Variants in TOM1L2 observed in about 807,000 individuals in gnomAD.
The protein encoded by TOM1L2 is target of myb1 like 2 membrane trafficking protein.
A neutral mutation model predicts 67.9 loss-of-function variants in TOM1L2; 31 were observed. The observed-to-expected ratio is 0.46, with a 90% CI of 0.34 to 0.62. TOM1L2 has a LOEUF of 0.62. Among genes scored for constraint, TOM1L2 ranks in the 20% least tolerant of loss-of-function variants. TOM1L2 has a pLI of 0.01. For synonymous variants in TOM1L2, 256 were observed against 254.0 expected (o/e 1.01, Z -0.07); for missense variants, 606 against 663.5 (o/e 0.91, Z 0.95).
intron 1 of TOM1L2, among the ~76,000 whole-genome samples, chr17:17,954,293 G>A (rs2041335357): frequency 2.6e-5 from 4 of 151,222 alleles, no homozygotes. Context: ...TGAACACCAG[G>A]CTACATTTAT....
chr17:17,848,659 C>T (rs1421233963), intron 14 of TOM1L2, among the ~76,000 whole-genome samples, 164 bp downstream of exon 14: 1 of 152,240 alleles, frequency 6.6e-6, no homozygotes, highest in Admixed American at 6.5e-5. Context: ...CCCAAATCAG[C>T]GTAAGACCTG....
chr17:17,939,704 A>G (rs1214471830), intron 1 of TOM1L2, among the ~76,000 whole-genome samples: 4 of 152,260 alleles, frequency 2.6e-5, no homozygotes, highest in African/African-American at 7.2e-5. Flanking sequence ...AAGTTTAAAA[A>G]GTAAATTTGA....
intron 12 of TOM1L2, among the ~76,000 whole-genome samples, chr17:17,855,517 C>T (rs1205018444): frequency 6.6e-6 from 1 of 152,192 alleles, no homozygotes; most frequent in Admixed American, 6.5e-5. Context: ...GGAGGGAGAG[C>T]ACAAGCCTAG....
At chr17:17,881,864 A>G (rs1224555198) in intron 6 of TOM1L2, among the ~76,000 whole-genome samples, 2 of 152,186 alleles carry the variant, frequency 1.3e-5, no homozygotes, top group African/African-American at 2.4e-5. Context: ...CTATCCCTAC[A>G]CACACATTGC....
At chr17:17,852,888 A>AAAAAG (rs1458944201) in intron 12 of TOM1L2, among the ~76,000 whole-genome samples, 2 of 151,742 alleles carry the variant, frequency 1.3e-5, no homozygotes, top group Admixed American at 6.6e-5. Context: ...AAAAAAAAAA[A>AAAAAG]AAGAACATTG....
chr17:17,952,352 A>G (rs1383784698), intron 1 of TOM1L2, among the ~76,000 whole-genome samples: 4 of 141,398 alleles, frequency 2.8e-5, no homozygotes, highest in African/African-American at 1.0e-4. Context: ...CTCACTCTTT[A>G]TACAGTAAGT....
At chr17:17,957,000 C>T (rs1391526134) in intron 1 of TOM1L2, among the ~76,000 whole-genome samples, 2 of 152,222 alleles carry the variant, frequency 1.3e-5, no homozygotes, top group Non-Finnish European at 2.9e-5. Context: ...GAGCGAGCAA[C>T]GGCTGCCAGC....
rs1171044029 is a variant in TOM1L2, at chr17:17,951,746, G to A, written c.52+20516C>T. On this transcript the variant is annotated intron_variant, in intron 1 of 14. Coordinates refer to ENST00000379504, the MANE Select transcript of TOM1L2 (RefSeq NM_001082968.2). The stretch of plus-strand genomic sequence containing the variant: ...TCTACCTCTGCATTTCCATGGGGAC[G>A]TGGTGCTTAGGAAGGAAGTTAGCCG... Among the ~76,000 whole-genome samples, 6 of 152,210 alleles carry A rather than the reference G, an allele frequency of 3.9e-5. No individual in the cohort carries two copies. In the South Asian group the frequency reaches 8.3e-4, roughly 21 times the overall value.
intron 2 of TOM1L2, among the ~76,000 whole-genome samples, chr17:17,901,515 C>T (rs1191068986): frequency 3.3e-5 from 5 of 152,194 alleles, no homozygotes; most frequent in Non-Finnish European, 7.4e-5. Context: ...CCCAAACAAG[C>T]CTCCTGTCAT....
At chr17:17,894,043 A>G (rs2038431340) in intron 3 of TOM1L2, among the ~76,000 whole-genome samples, 1 of 152,206 alleles carries the variant, frequency 6.6e-6, no homozygotes, top group Non-Finnish European at 1.5e-5. Flanking sequence ...CACAATAATC[A>G]GGCAATTAGT....
At position 17,882,316 on chromosome 17, in the gene TOM1L2, G is replaced by A. The variant is rs536185827; in HGVS notation, c.660+389C>T. ...TCCCAGATCTGGGCCCTACATATGC[G>A]CCTGCTCTCCAATCAAGCCACCTGC... On this transcript the variant is annotated intron_variant, in intron 6 of 14. Coordinates refer to ENST00000379504, the MANE Select transcript of TOM1L2 (RefSeq NM_001082968.2). Among the ~76,000 whole-genome samples, 26 of 152,226 alleles carry A rather than the reference G, an allele frequency of 1.7e-4. No homozygotes were observed. In the East Asian group the frequency reaches 4.6e-3, roughly 27 times the overall value.
In TOM1L2 at chr17:17,869,307, G is replaced by GC. The variant is rs757202307; in HGVS notation, c.911+32_911+33insG. On this transcript the variant is annotated intron_variant, in intron 8 of 14. Transcript: ENST00000379504. Reference sequence around the variant, plus strand: ...CTGTTATGGCAACAATCTTTTCAAGGGAAAAAAAAAAAAAAAGAAATCCGG... The same window carrying GC: ...CTGTTATGGCAACAATCTTTTCAAGGCGAAAAAAAAAAAAAAAGAAATCCGG... The GC allele has an allele frequency of 7.8e-6, 12 of 1,546,602 alleles. No homozygotes were observed. In the African/African-American group the frequency reaches 1.6e-4, roughly 21 times the overall value.
At chr17:17,909,160 G>A (rs915101069) in intron 1 of TOM1L2, among the ~76,000 whole-genome samples, 5 of 152,124 alleles carry the variant, frequency 3.3e-5, no homozygotes, top group African/African-American at 9.7e-5. Context: ...CAACCCGGGC[G>A]ACAGAGCCAG....
chr17:17,864,588 T>A (rs1298545051), intron 10 of TOM1L2, among the ~76,000 whole-genome samples: 1 of 151,328 alleles, frequency 6.6e-6, no homozygotes, highest in East Asian at 2.0e-4. Context: ...CTCGGCTCAC[T>A]GCAACCTCCG....
intron 1 of TOM1L2, among the ~76,000 whole-genome samples, chr17:17,934,459 A>G (rs1385377145): frequency 1.3e-5 from 2 of 152,122 alleles, no homozygotes; most frequent in East Asian, 3.9e-4. Flanking sequence ...AAAACCACAC[A>G]AAAAAACAGT....
intron 7 of TOM1L2, among the ~76,000 whole-genome samples, chr17:17,874,049 G>T (rs1169061257): frequency 6.7e-6 from 1 of 150,260 alleles, no homozygotes; most frequent in Non-Finnish European, 1.5e-5. Context: ...TCCGCCTCCC[G>T]GGTTCATGAC....
In TOM1L2 at chr17:17,848,735, G is replaced by A. The variant is rs188334639; in HGVS notation, c.1375+88C>T. On this transcript the variant is annotated intron_variant, in intron 14 of 14. Coordinates refer to ENST00000379504, the MANE Select transcript of TOM1L2 (RefSeq NM_001082968.2). ...TGGCACCAGTAGGTGCTCTGGCAGC[G>A]GGGGCTCCAAGATGATGGGGGCTGG... 9.7e-3 allele frequency: 14,249 copies of A among 1,467,594 alleles called. 84 individuals are homozygous for A. The highest frequency in any genetic ancestry group is 0.012 in the Non-Finnish European group (12,640 of 1,055,768). The allele number at this position is 1,467,594 out of a possible 1,614,324, so 90.9% of individuals were successfully genotyped here.
At chr17:17,921,334 T>C (rs949371768) in intron 1 of TOM1L2, among the ~76,000 whole-genome samples, 4 of 152,252 alleles carry the variant, frequency 2.6e-5, no homozygotes, top group Admixed American at 2.6e-4. Flanking sequence ...CCGAGGCTGC[T>C]GACCCAAGTT....
intron 1 of TOM1L2, among the ~76,000 whole-genome samples, chr17:17,913,013 G>A (rs1029046800): frequency 6.6e-5 from 10 of 152,166 alleles, no homozygotes; most frequent in African/African-American, 2.4e-4. Flanking sequence ...GCGAAACCCC[G>A]TCTCCACCAA....
Sources: allele counts gnomAD v4.1 joint callset (sites outside exome capture counted in the v4.1 genomes callset), GRCh38; gene constraint gnomAD v4.1.1; transcripts MANE v1.5; gene names NCBI Gene and HGNC (gene_info 2026-07-23, HGNC 2026-07-21).